Variants in MCPH1 observed in about 807,000 individuals in gnomAD.
MCPH1 encodes microcephalin 1, also known as microcephalin.
Under a neutral mutation model 84.5 loss-of-function variants are expected in MCPH1, and 104 were observed. The observed-to-expected ratio is 1.23, with a 90% confidence interval of 1.05 to 1.45. The LOEUF is 1.45. Among genes scored for constraint, MCPH1 ranks in the 40% most tolerant of loss-of-function variants. The pLI, the probability that MCPH1 is intolerant of heterozygous loss-of-function variation, is 0.00. For missense variants in MCPH1, 1,498 were observed against 1,005.7 expected, an observed-to-expected ratio of 1.49 and a Z score of -6.62; for synonymous variants, 514 against 366.8, an observed-to-expected ratio of 1.40 and a Z score of -4.58.
intron 12 of MCPH1, among the ~76,000 whole-genome samples, chr8:6,565,143 C>G (rs1019721437): frequency 8.5e-5 from 13 of 152,188 alleles, no homozygotes; most frequent in Non-Finnish European, 1.5e-4. Flanking sequence ...GCAAATGCTT[C>G]CATTCTTGGA....
At chr8:6,406,999 C>T in intron 1 of MCPH1, 2 of 438,486 alleles carry the variant, frequency 4.6e-6, no homozygotes, top group Non-Finnish European at 8.2e-6. Context: ...CCCCAACCCC[C>T]GTGCTGCTAG....
intron 12 of MCPH1, among the ~76,000 whole-genome samples, chr8:6,547,428 A>T (rs970856757): frequency 6.6e-6 from 1 of 151,844 alleles, no homozygotes; most frequent in African/African-American, 2.4e-5. Flanking sequence ...CTTTCACTCC[A>T]CTGCCATAAG....
At chr8:6,415,672 G>C (rs2129551766) in intron 3 of MCPH1, among the ~76,000 whole-genome samples, 1 of 152,232 alleles carries the variant, frequency 6.6e-6, no homozygotes, top group South Asian at 2.1e-4. Flanking sequence ...TTTGATTACA[G>C]TAAATTTGTA....
At position 6,435,639 on chromosome 8, in the gene MCPH1, C is replaced by T. The variant is rs569582738; in HGVS notation, c.322-409C>T. ...TGGTTACATGCTTGGTTCACCTGGGCATGCTCAAGTGACGTAACTTGCAAC... is the reference window on the plus strand; with the variant it reads ...TGGTTACATGCTTGGTTCACCTGGGTATGCTCAAGTGACGTAACTTGCAAC... On this transcript the variant is annotated intron_variant, in intron 4 of 13. Transcript: ENST00000344683. 3.9e-4 allele frequency among the ~76,000 whole-genome samples: 60 copies of T among 152,200 alleles called. 1 individual carries two copies. Among genetic ancestry groups the T allele is most frequent in the African/African-American group, 1.4e-3 (60 of 41,528 alleles).
intron 12 of MCPH1, among the ~76,000 whole-genome samples, chr8:6,605,434 T>C (rs563046252): frequency 2.0e-5 from 3 of 152,328 alleles, no homozygotes; most frequent in African/African-American, 7.2e-5. Flanking sequence ...TGTTATGCGA[T>C]GGGAGTTTGC....
At chr8:6,536,672 A>C (rs1344873160) in intron 12 of MCPH1, among the ~76,000 whole-genome samples, 3 of 152,206 alleles carry the variant, frequency 2.0e-5, no homozygotes, top group African/African-American at 7.2e-5. Context: ...TATAAAAATG[A>C]ACATTTCCAA....
chr8:6,519,483 C>A (rs1816892936), intron 12 of MCPH1, among the ~76,000 whole-genome samples: 1 of 152,158 alleles, frequency 6.6e-6, no homozygotes. Context: ...TTTCATGACA[C>A]CTCTATGGCT....
At chr8:6,569,629 T>G (rs1040829075) in intron 12 of MCPH1, among the ~76,000 whole-genome samples, 1 of 152,198 alleles carries the variant, frequency 6.6e-6, no homozygotes, top group East Asian at 1.9e-4. Context: ...CAAGGCTCCG[T>G]GAAGAGAGAG....
At chr8:6,513,781 G>T (rs1563323700) in intron 12 of MCPH1, 1 of 1,613,902 alleles carries the variant, frequency 6.2e-7, no homozygotes, top group Non-Finnish European at 8.5e-7. Context: ...TAGCGTTGCT[G>T]ATTAGTCAGT....
intron 9 of MCPH1, among the ~76,000 whole-genome samples, chr8:6,461,519 T>C (rs1209858448): frequency 6.8e-6 from 1 of 147,984 alleles, no homozygotes; most frequent in East Asian, 2.0e-4. Flanking sequence ...TTTTTTTAAT[T>C]AGTAGAGACA....
intron 9 of MCPH1, among the ~76,000 whole-genome samples, chr8:6,468,340 T>C (rs1807255796): frequency 6.6e-6 from 1 of 152,154 alleles, no homozygotes; most frequent in African/African-American, 2.4e-5. Context: ...CCACCTGCCC[T>C]GTCCTACAAG....
chr8:6,466,807 C>T (rs1475179167), intron 9 of MCPH1, among the ~76,000 whole-genome samples: 1 of 151,868 alleles, frequency 6.6e-6, no homozygotes, highest in African/African-American at 2.4e-5. Flanking sequence ...AACTCCTGAC[C>T]TCAAGTGTTC....
chr8:6,601,097 G>A (rs1271378131), intron 12 of MCPH1, among the ~76,000 whole-genome samples: 2 of 152,024 alleles, frequency 1.3e-5, no homozygotes, highest in African/African-American at 2.4e-5. Flanking sequence ...CTGGAGATGA[G>A]AGACCTGTCC....
intron 12 of MCPH1, among the ~76,000 whole-genome samples, chr8:6,590,227 C>T (rs1350375078): frequency 2.0e-5 from 3 of 151,252 alleles, no homozygotes; most frequent in African/African-American, 7.3e-5. Flanking sequence ...AATACAGATC[C>T]AACTATGTAA....
chr8:6,626,032 G>A (rs963074394), intron 13 of MCPH1: 2 of 985,224 alleles, frequency 2.0e-6, no homozygotes, highest in African/African-American at 3.5e-5. Flanking sequence ...CAGCATCCGA[G>A]CACCACAGTC....
At chr8:6,555,835 A>G (rs1241094946) in intron 12 of MCPH1, among the ~76,000 whole-genome samples, 1 of 152,254 alleles carries the variant, frequency 6.6e-6, no homozygotes, top group African/African-American at 2.4e-5. Flanking sequence ...CAATTCTATT[A>G]CAAGGTGGAA....
chr8:6,470,683 C>T (rs528491988), intron 9 of MCPH1, among the ~76,000 whole-genome samples: 37 of 152,358 alleles, frequency 2.4e-4, no homozygotes, highest in African/African-American at 8.7e-4. Context: ...ATGAGTAACT[C>T]ATGAATACAC....
In MCPH1 at chr8:6,599,232, G is replaced by A. The variant is rs964601900; in HGVS notation, c.2215-22222G>A. Among the ~76,000 whole-genome samples, 6 of 152,180 alleles carry A rather than the reference G, an allele frequency of 3.9e-5. No individual in the cohort carries two copies. In the East Asian group the frequency reaches 7.7e-4, roughly 20 times the overall value. On this transcript the variant is annotated intron_variant, in intron 12 of 13. Coordinates refer to ENST00000344683, the MANE Select transcript of MCPH1 (RefSeq NM_024596.5). ...AAGGAATGCCTTCCTCCGCGGACCGGAAGGATATTTTTAAAGGAATGTGAA... is the reference window on the plus strand; with the variant it reads ...AAGGAATGCCTTCCTCCGCGGACCGAAAGGATATTTTTAAAGGAATGTGAA...
At chr8:6,621,028 C>T (rs1053144701) in intron 12 of MCPH1, 11 of 253,480 alleles carry the variant, frequency 4.3e-5, no homozygotes, top group South Asian at 1.9e-4. Context: ...CAGCCTGGAG[C>T]GCGCTGGATT....
Sources: allele counts gnomAD v4.1 joint callset (sites outside exome capture counted in the v4.1 genomes callset), GRCh38; gene constraint gnomAD v4.1.1; transcripts MANE v1.5; gene names NCBI Gene and HGNC (gene_info 2026-07-23, HGNC 2026-07-21).